The following NFIB variants were observed in gnomAD, a reference collection of about 807,000 sequenced individuals.
The protein encoded by NFIB is nuclear factor I B.
In NFIB, 11 loss-of-function variants were observed where a neutral mutation model predicts 61.5. That is an observed-to-expected ratio of 0.18 (90% CI 0.11 to 0.30). NFIB has a LOEUF of 0.30. Among genes scored for constraint, NFIB ranks in the 10% least tolerant of loss-of-function variants. NFIB has a pLI of 1.00. For synonymous variants in NFIB, 260 were observed against 216.5 expected, an observed-to-expected ratio of 1.20 and a Z score of -1.76; for missense variants, 471 against 608.9, an observed-to-expected ratio of 0.77 and a Z score of 2.38.
chr9:14,360,764 T>G (rs1024159678), intron 1 of NFIB, among the ~76,000 whole-genome samples: 1 of 152,082 alleles, frequency 6.6e-6, no homozygotes, highest in African/African-American at 2.4e-5. Flanking sequence ...CAGAATGGTC[T>G]CGATCTCCTG....
At chr9:14,221,623 C>A (rs2051688404) in intron 2 of NFIB, among the ~76,000 whole-genome samples, 1 of 152,114 alleles carries the variant, frequency 6.6e-6, no homozygotes, top group Non-Finnish European at 1.5e-5. Context: ...GTCTTCTGAC[C>A]TTTACTTAAG....
At chr9:14,441,571 A>C in the NFIB span, among the ~76,000 whole-genome samples, 1 of 148,418 alleles carries the variant, frequency 6.7e-6, no homozygotes, top group African/African-American at 2.5e-5. Context: ...CATATAGCCC[A>C]GAATTCTTTC....
chr9:14,437,089 C>G, the NFIB span, among the ~76,000 whole-genome samples: 1 of 152,162 alleles, frequency 6.6e-6, no homozygotes, highest in Non-Finnish European at 1.5e-5. Flanking sequence ...TGACCTTGGA[C>G]TAGTCACTTG....
At chr9:14,360,556 T>C (rs1033944979) in intron 1 of NFIB, among the ~76,000 whole-genome samples, 6 of 151,016 alleles carry the variant, frequency 4.0e-5, no homozygotes, top group Non-Finnish European at 5.9e-5. Flanking sequence ...TTCTTTTTTT[T>C]TTTTTTGAGA....
the NFIB span, among the ~76,000 whole-genome samples, chr9:14,431,357 T>C: frequency 6.6e-6 from 1 of 152,070 alleles, no homozygotes; most frequent in Non-Finnish European, 1.5e-5. Context: ...TTAATCACAT[T>C]TTTTAAAAAA....
chr9:14,150,208 G>T lies in NFIB; in HGVS notation c.743C>A (p.Pro248Gln). The T allele has an allele frequency of 6.2e-7, 1 of 1,613,534 alleles. No individual in the cohort carries two copies. The highest frequency in any genetic ancestry group is 1.1e-5 in the South Asian group (1 of 91,068). The change falls in exon 5 of 11, where the codon CCA (proline) becomes CAA (glutamine). Residue 248 changes from proline to glutamine, a missense_variant. This residue lies in a region of NFIB where 372 missense variants were observed against 395.6 expected (regional missense o/e 0.94). Transcript: ENST00000380953. ...CCCCGAGTTCATGTCATGATAGTAT[G>T]GTTGGCTTGGGATTTCTCCAATTGG... is the stretch of plus-strand genomic sequence containing the variant. ...NFPIGEIPSQ[P>Q]YYHDMNSGVN...
chr9:14,204,274 G>A lies in NFIB; in HGVS notation c.563-24494C>T, dbSNP rs547315411. ...TGTGGAAAGGAAAGAAGGCCAAGGG[G>A]AAGAAGGTGGCTCCGGCCCCTGCTG... is the stretch of plus-strand genomic sequence containing the variant. On this transcript the variant is annotated intron_variant, in intron 2 of 10. Transcript: ENST00000380953. 1,428 of 658,454 alleles carry A rather than the reference G, an allele frequency of 2.2e-3. 5 individuals are homozygous for A. Among genetic ancestry groups the A allele is most frequent in the Non-Finnish European group, 2.9e-3 (1,078 of 368,190 alleles). The allele number at this position is 658,454 out of a possible 1,614,324, so 40.8% of individuals were successfully genotyped here. A position where few individuals can be genotyped will look rare whatever the true frequency, so the allele number is the denominator to read the frequency against.
At chr9:14,293,101 A>G (rs1315795552) in intron 2 of NFIB, among the ~76,000 whole-genome samples, 1 of 152,224 alleles carries the variant, frequency 6.6e-6, no homozygotes, top group African/African-American at 2.4e-5. Flanking sequence ...ACACTTTGAC[A>G]TCTGTTTTCA....
At chr9:14,299,459 GCTAA>G (rs2059631417) in intron 2 of NFIB, among the ~76,000 whole-genome samples, 1 of 152,258 alleles carries the variant, frequency 6.6e-6, no homozygotes, top group Admixed American at 6.5e-5. Flanking sequence ...TGGAGTTGAA[GCTAA>G]CTAAAATTTT....
Position 14,087,007 on chromosome 9 carries a change from G to C in NFIB, c.*1302C>G, listed in dbSNP as rs1205583406. 4.9e-6 allele frequency: 1 copy of C among 204,532 alleles called. No homozygotes were observed. Among genetic ancestry groups the C allele is most frequent in the Non-Finnish European group, 1.0e-5 (1 of 99,596 alleles). The allele number at this position is 204,532 out of a possible 1,614,324, so 12.7% of individuals were successfully genotyped here. On this transcript the variant is annotated 3_prime_UTR_variant, in exon 11 of 11. Transcript: ENST00000380953. The stretch of plus-strand genomic sequence containing the variant: ...GCACCATGCAAGTTTTCAGCACCCT[G>C]ATTACATTTGTTTTCTCAAGAGTGC...
At chr9:14,135,448 T>C (rs932608991) in intron 6 of NFIB, among the ~76,000 whole-genome samples, 2 of 152,136 alleles carry the variant, frequency 1.3e-5, no homozygotes, top group East Asian at 3.9e-4. Flanking sequence ...GAAAATACAG[T>C]GAAGAAAAAA....
At chr9:14,155,784 T>A (rs930447357) in intron 4 of NFIB, 41 bp downstream of exon 4, 2 of 1,238,672 alleles carry the variant, frequency 1.6e-6, no homozygotes, top group Admixed American at 2.2e-5. Flanking sequence ...GTATTTTAAA[T>A]CATACTGCAT....
intron 2 of NFIB, among the ~76,000 whole-genome samples, chr9:14,293,628 A>G (rs895257638): frequency 1.3e-5 from 2 of 152,226 alleles, no homozygotes; most frequent in Non-Finnish European, 1.5e-5. Flanking sequence ...GACCATTTCT[A>G]TGAACTAAAG....
intron 1 of NFIB, among the ~76,000 whole-genome samples, chr9:14,352,151 T>C (rs540543310): frequency 6.6e-6 from 1 of 152,218 alleles, no homozygotes; most frequent in African/African-American, 2.4e-5. Context: ...AATAAAATCA[T>C]AAAAGGAACA....
intron 2 of NFIB, among the ~76,000 whole-genome samples, chr9:14,218,292 T>A (rs1283289022): frequency 6.6e-6 from 1 of 152,208 alleles, no homozygotes; most frequent in African/African-American, 2.4e-5. Context: ...TTTGTTTCCA[T>A]GATATACTCA....
intron 1 of NFIB, among the ~76,000 whole-genome samples, chr9:14,375,714 C>A (rs1303075689): frequency 6.6e-6 from 1 of 151,868 alleles, no homozygotes; most frequent in Non-Finnish European, 1.5e-5. Flanking sequence ...ATTGGTCAGA[C>A]CTTTGACACA....
At chr9:14,436,394 G>A in the NFIB span, among the ~76,000 whole-genome samples, 14 of 152,202 alleles carry the variant, frequency 9.2e-5, no homozygotes, top group Non-Finnish European at 1.8e-4. Context: ...TGACTGGGGA[G>A]CAAAACCCTG....
At chr9:14,126,451 G>A (rs544287122) in intron 6 of NFIB, among the ~76,000 whole-genome samples, 4 of 152,322 alleles carry the variant, frequency 2.6e-5, no homozygotes, top group African/African-American at 7.2e-5. Context: ...CTGCTACATC[G>A]CCAGCTGCGA....
At chr9:14,422,135 A>G in the NFIB span, among the ~76,000 whole-genome samples, 110 of 152,338 alleles carry the variant, frequency 7.2e-4, no homozygotes, top group African/African-American at 2.3e-3. Context: ...AGCAGCCACC[A>G]TGCTATGTAG....
Sources: allele counts gnomAD v4.1 joint callset (sites outside exome capture counted in the v4.1 genomes callset), GRCh38; gene constraint gnomAD v4.1.1; regional missense constraint gnomAD v4.1.1; transcripts MANE v1.5; gene names NCBI Gene and HGNC (gene_info 2026-07-23, HGNC 2026-07-21).